Variants in DAB2 observed in about 807,000 individuals in gnomAD.
DAB2 encodes DAB adaptor protein 2, also known as disabled homolog 2.
A neutral mutation model predicts 71.6 loss-of-function variants in DAB2; 28 were observed. The observed-to-expected ratio is 0.39, with a 90% CI of 0.29 to 0.54. The LOEUF (loss-of-function observed/expected upper bound fraction) is 0.54. Ranked by LOEUF, DAB2 falls within the 20% of genes least tolerant of loss-of-function variation. The pLI, the probability that DAB2 is intolerant of heterozygous loss-of-function variation, is 0.68. For synonymous variants in DAB2, 345 were observed against 339.7 expected, an observed-to-expected ratio of 1.02 and a Z score of -0.17; for missense variants, 867 against 928.8, an observed-to-expected ratio of 0.93 and a Z score of 0.86.
intron 9 of DAB2, among the ~76,000 whole-genome samples, chr5:39,385,978 C>T (rs1022710189): frequency 2.0e-5 from 3 of 152,292 alleles, no homozygotes; most frequent in South Asian, 2.1e-4. Flanking sequence ...TGTGCCCACC[C>T]GTGTTATCTT....
chr5:39,398,988 A>G (rs1319217967), intron 1 of DAB2, among the ~76,000 whole-genome samples: 1 of 152,150 alleles, frequency 6.6e-6, no homozygotes, highest in Non-Finnish European at 1.5e-5. Context: ...AGTTGAATTT[A>G]AAAAAGGGAT....
chr5:39,379,180 G>A (rs776886150), intron 11 of DAB2, among the ~76,000 whole-genome samples: 3 of 152,036 alleles, frequency 2.0e-5, no homozygotes, highest in African/African-American at 7.2e-5. Context: ...AGGGCTGGGC[G>A]CAGTGGCTTA....
Position 39,376,756 on chromosome 5 carries a change from C to A in DAB2, c.2031G>T (p.Gly677=), listed in dbSNP as rs61744160. 62,328 of 1,614,078 alleles carry A rather than the reference C, an allele frequency of 0.039. 1,346 individuals are homozygous for A. Among genetic ancestry groups the A allele is most frequent in the Non-Finnish European group, 0.045 (52,546 of 1,180,016 alleles). The change falls in exon 12 of 15, where the codon GGG becomes GGT. Residue 677 remains glycine, a synonymous_variant. Transcript: ENST00000320816. ...PARKGEQTSS[G]TLSAFASYFN... Reference sequence around the variant, plus strand: ...AATAACTGGCAAAGGCACTCAAAGTCCCAGAAGAAGTCTGCTCTCCCTTCC... The same window carrying A: ...AATAACTGGCAAAGGCACTCAAAGTACCAGAAGAAGTCTGCTCTCCCTTCC...
intron 1 of DAB2, among the ~76,000 whole-genome samples, chr5:39,402,019 G>C (rs959587374): frequency 2.6e-5 from 4 of 152,108 alleles, no homozygotes; most frequent in Non-Finnish European, 5.9e-5. Flanking sequence ...GTGGTGGAAG[G>C]TGAAAGGCAC....
intron 14 of DAB2, chr5:39,374,709 C>T: frequency 3.5e-6 from 1 of 285,226 alleles, no homozygotes; most frequent in Middle Eastern, 1.1e-3. Context: ...AGGTTAGAAA[C>T]CTGTGATGTG....
chr5:39,404,623 G>A (rs1393924713), intron 1 of DAB2, among the ~76,000 whole-genome samples: 1 of 151,562 alleles, frequency 6.6e-6, no homozygotes, highest in Non-Finnish European at 1.5e-5. Context: ...CTGTCTCCCA[G>A]GATGGAGTGC....
At chr5:39,381,914 T>G (rs969717049) in intron 10 of DAB2, among the ~76,000 whole-genome samples, 1 of 152,182 alleles carries the variant, frequency 6.6e-6, no homozygotes, top group South Asian at 2.1e-4. Context: ...GCTAAATGCT[T>G]GAAGTTGGGG....
Position 39,383,232 on chromosome 5 carries a change from T to C in DAB2, c.727A>G (p.Ile243Val), listed in dbSNP as rs1395542032. ...CTTAAAGAATTCTGATTGGTGTCGATTTCAGAGTTTAGATCCACTAACAGG... is the reference window on the plus strand; with the variant it reads ...CTTAAAGAATTCTGATTGGTGTCGACTTCAGAGTTTAGATCCACTAACAGG... ...DILLVDLNSE[I>V]DTNQNSLREN... is the part of the protein sequence containing the mutation. Residue 243 changes from isoleucine (I) to valine (V), a missense_variant, in exon 10 of 15, where the codon ATC (isoleucine) becomes GTC (valine). Ile to Val is a conservative substitution (Grantham distance 29, BLOSUM62 3). Coordinates refer to ENST00000320816, the MANE Select transcript of DAB2 (RefSeq NM_001343.4). 4 of 1,613,634 alleles carry C rather than the reference T, an allele frequency of 2.5e-6. No homozygotes were observed. The highest frequency in any genetic ancestry group is 3.4e-6 in the Non-Finnish European group (4 of 1,179,834).
chr5:39,374,662 T>C (rs1754778345), intron 14 of DAB2: 1 of 219,970 alleles, frequency 4.5e-6, no homozygotes, highest in Admixed American at 6.1e-5. Context: ...AAATTATTAC[T>C]AGGTTGTTTT....
At chr5:39,401,281 C>T (rs534434252) in intron 1 of DAB2, among the ~76,000 whole-genome samples, 76 of 152,262 alleles carry the variant, frequency 5.0e-4, no homozygotes, top group African/African-American at 1.8e-3. Flanking sequence ...AAAACAAGCC[C>T]GAGTCAATGA....
At chr5:39,396,840 T>C (rs892285739) in intron 1 of DAB2, among the ~76,000 whole-genome samples, 3 of 152,208 alleles carry the variant, frequency 2.0e-5, no homozygotes, top group Non-Finnish European at 4.4e-5. Context: ...TGTGTGGCTG[T>C]CAGAGGAAAA....
intron 14 of DAB2, chr5:39,374,685 A>G: frequency 1.3e-5 from 3 of 236,224 alleles, no homozygotes; most frequent in South Asian, 6.7e-5. Context: ...AACCACTTCA[A>G]TATGAAAGTA....
intron 9 of DAB2, among the ~76,000 whole-genome samples, chr5:39,386,474 A>G (rs1378182788): frequency 2.0e-5 from 3 of 152,220 alleles, no homozygotes; most frequent in Non-Finnish European, 2.9e-5. Context: ...AGATAAGAAC[A>G]TGTCAAAGCC....
At chr5:39,409,018 T>C (rs942487566) in intron 1 of DAB2, among the ~76,000 whole-genome samples, 2 of 152,184 alleles carry the variant, frequency 1.3e-5, no homozygotes, top group Non-Finnish European at 2.9e-5. Flanking sequence ...ATCTGTCAAA[T>C]TGGTGTCTTG....
Position 39,382,851 on chromosome 5 carries a change from G to T in DAB2, c.1108C>A (p.Gln370Lys), listed in dbSNP as rs540481311. 84 of 1,614,126 alleles carry T rather than the reference G, an allele frequency of 5.2e-5. 1 individual carries two copies. The South Asian group carries it at 9.1e-4, about 18-fold the overall frequency. The change falls in exon 10 of 15, where the codon CAA becomes AAA. Residue 370 changes from glutamine to lysine, a missense_variant. Physicochemically the swap from Gln to Lys is moderately conservative, Grantham distance 53. Coordinates refer to ENST00000320816, the MANE Select transcript of DAB2 (RefSeq NM_001343.4). ...QAGPWPFSSSQTQPAVRTQNG... is the reference protein window; with the variant it reads ...QAGPWPFSSSKTQPAVRTQNG... ...TGAGTTCTCACTGCTGGCTGGGTTTGCGAACTTGAAAAGGGCCATGGGCCT... is the reference window on the plus strand; with the variant it reads ...TGAGTTCTCACTGCTGGCTGGGTTTTCGAACTTGAAAAGGGCCATGGGCCT...
chr5:39,405,626 C>T (rs1388307727), intron 1 of DAB2, among the ~76,000 whole-genome samples: 4 of 152,212 alleles, frequency 2.6e-5, no homozygotes, highest in African/African-American at 9.6e-5. Flanking sequence ...TGGGGAATTA[C>T]AGTCTAGCGC....
intron 6 of DAB2, among the ~76,000 whole-genome samples, 169 bp from the exon 7 acceptor site, chr5:39,389,292 G>A (rs536913159): frequency 6.6e-6 from 1 of 152,178 alleles, no homozygotes; most frequent in South Asian, 2.1e-4. Flanking sequence ...GGTTTGAGTA[G>A]AGTTACTGGA....
chr5:39,377,192 A>G lies in DAB2; in HGVS notation c.1595T>C (p.Met532Thr), dbSNP rs753801141. 6.2e-7 allele frequency: 1 copy of G among 1,614,138 alleles called. No homozygotes were observed. The change falls in exon 12 of 15, where the codon ATG becomes ACG. Residue 532 changes from methionine to threonine, a missense_variant. Around this residue, in one of 2 missense-constraint regions of DAB2, gnomAD observed 740 missense variants for 734.3 expected, o/e 1.01. Coordinates refer to ENST00000320816, the MANE Select transcript of DAB2 (RefSeq NM_001343.4). ...AAAACCTGAAGGTTGACCACCCATCATGGCTCCCGGAGCCATTGAAGGGGA... is the reference window on the plus strand; with the variant it reads ...AAAACCTGAAGGTTGACCACCCATCGTGGCTCCCGGAGCCATTGAAGGGGA... The part of the protein sequence containing the change: ...NQSPSMAPGA[M>T]MGGQPSGFSQ...
chr5:39,392,948 C>T (rs1755270093), intron 3 of DAB2, among the ~76,000 whole-genome samples: 1 of 152,132 alleles, frequency 6.6e-6, no homozygotes, highest in South Asian at 2.1e-4. Context: ...ACAAGCAATG[C>T]AAATATTTGC....
Sources: gnomAD v4.1 joint callset for allele counts (sites outside exome capture counted in the v4.1 genomes callset) on GRCh38, gnomAD v4.1.1 for gene constraint, gnomAD v4.1.1 regional missense constraint, MANE v1.5 for transcripts, NCBI Gene and HGNC (gene_info 2026-07-23, HGNC 2026-07-21) for gene names.